COQ10B: variants seen among roughly 807,000 people sequenced by gnomAD.
COQ10B encodes the protein coenzyme Q10B, also known as coenzyme Q-binding protein COQ10 homolog B, mitochondrial.
Under a neutral mutation model 27.6 loss-of-function variants are expected in COQ10B, and 12 were observed. The observed-to-expected ratio is 0.43, with a 90% CI of 0.28 to 0.70. COQ10B has a LOEUF of 0.70. Among genes scored for constraint, COQ10B ranks in the 30% least tolerant of loss-of-function variants. The probability of loss-of-function intolerance (pLI) is 0.17; values close to 1 mark genes in which losing one functional copy is unlikely to be tolerated. For synonymous variants in COQ10B, 115 were observed against 103.0 expected (o/e 1.12, Z -0.71); for missense variants, 278 against 288.7 (o/e 0.96, Z 0.27).
chr2:197,454,218 T>G, intron 1 of COQ10B: 1 of 1,294,052 alleles, frequency 7.7e-7, no homozygotes. Context: ...CCTGTAACCT[T>G]GAAGCATAGT....
intron 1 of COQ10B, among the ~76,000 whole-genome samples, chr2:197,456,749 A>T (rs942003719): frequency 6.6e-6 from 1 of 152,104 alleles, no homozygotes; most frequent in African/African-American, 2.4e-5. Context: ...TGGGTGATAG[A>T]GCAAGACTCC....
Position 197,473,870 on chromosome 2 carries a change from T to G in COQ10B, c.663T>G (p.Gly221=). ...AAAGAAGAGCATGTAAGCTGTATGG[T>G]CCAGAAACAAATATACCTCGGGAGT... ...AFERRACKLY[G]PETNIPRELM... The change falls in exon 5 of 5, where the codon GGT becomes GGG. Residue 221 remains glycine (G), a synonymous_variant. Coordinates refer to ENST00000263960, the MANE Select transcript of COQ10B (RefSeq NM_025147.5). The G allele has an allele frequency of 1.3e-6, 2 of 1,597,058 alleles. No homozygotes were observed. The highest frequency in any genetic ancestry group is 1.7e-6 in the Non-Finnish European group (2 of 1,169,470).
At chr2:197,454,171 G>A in intron 1 of COQ10B, 2 of 1,521,398 alleles carry the variant, frequency 1.3e-6, no homozygotes, top group East Asian at 2.5e-5. Flanking sequence ...CCAGCATAAG[G>A]GACTTGGATT....
chr2:197,469,945 C>T (rs2085861921), intron 3 of COQ10B, 125 bp from the exon 4 acceptor site: 1 of 568,728 alleles, frequency 1.8e-6, no homozygotes. Context: ...ATCTTTATCT[C>T]CTATGGTCTG....
At chr2:197,457,643 G>T (rs1205855231) in intron 1 of COQ10B, among the ~76,000 whole-genome samples, 2 of 148,858 alleles carry the variant, frequency 1.3e-5, no homozygotes, top group Admixed American at 1.3e-4. Context: ...TTTTTGAGAC[G>T]GGGAGTCTTG....
intron 3 of COQ10B, 33 bp from the exon 4 acceptor site, chr2:197,470,037 T>TAA (rs1159694849): frequency 7.6e-7 from 1 of 1,319,778 alleles, no homozygotes; most frequent in Non-Finnish European, 1.1e-6. Flanking sequence ...CAAAGGTATT[T>TAA]AACTGTGGTT....
At chr2:197,462,436 AT>A in intron 2 of COQ10B, 102 bp from the exon 3 acceptor site, 2 of 624,978 alleles carry the variant, frequency 3.2e-6, no homozygotes, top group Non-Finnish European at 5.4e-6. Flanking sequence ...TGAATGATTT[AT>A]TTATCATACA....
intron 1 of COQ10B, among the ~76,000 whole-genome samples, chr2:197,456,325 T>G (rs1445939031): frequency 6.8e-6 from 1 of 146,946 alleles, no homozygotes; most frequent in Admixed American, 6.9e-5. Flanking sequence ...ATTACCTGGG[T>G]GTGGTGGCGG....
Position 197,468,256 on chromosome 2 carries a change from T to C in COQ10B, c.448-1814T>C, listed in dbSNP as rs575912659. ...GAGATCGAGACCATCCTGGCTAACA[T>C]GGTGAAACCCCATATCTAGTAAAAA... On this transcript the variant is annotated intron_variant, in intron 3 of 4. Coordinates refer to ENST00000263960, the MANE Select transcript of COQ10B (RefSeq NM_025147.5). Among the ~76,000 whole-genome samples the C allele has an allele frequency of 5.9e-5, 9 of 151,548 alleles. No homozygotes were observed. The South Asian group carries it at 1.0e-3, about 18-fold the overall frequency.
chr2:197,455,254 G>A (rs2085683546), intron 1 of COQ10B, among the ~76,000 whole-genome samples: 2 of 151,908 alleles, frequency 1.3e-5, no homozygotes, highest in African/African-American at 2.4e-5. Context: ...TAGAAGCAAA[G>A]GTCTCATCTT....
intron 3 of COQ10B, among the ~76,000 whole-genome samples, chr2:197,463,355 C>T (rs1013355444): frequency 1.3e-5 from 2 of 151,794 alleles, no homozygotes; most frequent in Non-Finnish European, 2.9e-5. Flanking sequence ...GCCTGTAATC[C>T]CAGCTACTCA....
At chr2:197,473,411 AAAAAATATATAT>A (rs2085900731) in intron 4 of COQ10B, among the ~76,000 whole-genome samples, 1 of 61,206 alleles carries the variant, frequency 1.6e-5, no homozygotes, top group African/African-American at 6.5e-5. Context: ...ACAAAAAAAA[AAAAAATATATAT>A]ATATATATAT....
chr2:197,453,727 A>G (rs1574575463), intron 1 of COQ10B, 63 bp downstream of exon 1: 1 of 1,397,884 alleles, frequency 7.2e-7, no homozygotes, highest in Non-Finnish European at 1.0e-6. Context: ...GAGTTGGGGG[A>G]CCGGAAGGAT....
chr2:197,453,832 C>T, intron 1 of COQ10B, 168 bp downstream of exon 1: 2 of 1,057,876 alleles, frequency 1.9e-6, no homozygotes, highest in Non-Finnish European at 1.4e-6. Context: ...TCAAGAGCGG[C>T]GCGCATCACC....
At chr2:197,458,133 T>C (rs940542895) in intron 1 of COQ10B, among the ~76,000 whole-genome samples, 93 of 150,104 alleles carry the variant, frequency 6.2e-4, no homozygotes, top group Middle Eastern at 3.2e-3. Context: ...TTTTTTCTTC[T>C]TTTGAGACGG....
intron 1 of COQ10B, among the ~76,000 whole-genome samples, chr2:197,456,819 G>A (rs923007241): frequency 1.3e-5 from 2 of 151,798 alleles, no homozygotes; most frequent in Admixed American, 1.3e-4. Context: ...TAGAACAGAG[G>A]ATACTAAAGA....
In COQ10B at chr2:197,453,590, G is replaced by C. The variant is rs990848208; in HGVS notation, c.30G>C (p.Leu10Phe). Residue 10 changes from leucine (L) to phenylalanine (F), a missense_variant, in exon 1 of 5, where the codon TTG becomes TTC. This residue lies in a region of COQ10B where 183 missense variants were observed against 158.2 expected (regional missense o/e 1.16). Coordinates refer to ENST00000263960, the MANE Select transcript of COQ10B (RefSeq NM_025147.5). ...CAGCTCGGACTGGTCATACGGCCTT[G>C]AGAAGGGTAGTCTCGGGATGCCGTC... MAARTGHTA[L>F]RRVVSGCRPK... 6.2e-7 allele frequency: 1 copy of C among 1,613,994 alleles called. No individual in the cohort carries two copies. The highest frequency in any genetic ancestry group is 8.5e-7 in the Non-Finnish European group (1 of 1,180,002).
chr2:197,469,240 T>C (rs544012434), intron 3 of COQ10B, among the ~76,000 whole-genome samples: 1 of 152,238 alleles, frequency 6.6e-6, no homozygotes, highest in Non-Finnish European at 1.5e-5. Flanking sequence ...AATCTCGTTC[T>C]GTTGCCCAGG....
intron 3 of COQ10B, among the ~76,000 whole-genome samples, chr2:197,469,840 A>G (rs967294973): frequency 6.6e-6 from 1 of 152,114 alleles, no homozygotes; most frequent in Non-Finnish European, 1.5e-5. Flanking sequence ...AATGGAAGAG[A>G]AAACACCTGG....
Sources: allele counts gnomAD v4.1 joint callset (sites outside exome capture counted in the v4.1 genomes callset), GRCh38; gene constraint gnomAD v4.1.1; regional missense constraint gnomAD v4.1.1; transcripts MANE v1.5; gene names NCBI Gene and HGNC (gene_info 2026-07-23, HGNC 2026-07-21).